Variants in ITGB3 observed in about 807,000 individuals in gnomAD.
ITGB3 encodes integrin beta-3.
A neutral mutation model predicts 85.8 loss-of-function variants in ITGB3; 48 were observed. The observed-to-expected ratio is 0.56, with a 90% CI of 0.44 to 0.71. The LOEUF (loss-of-function observed/expected upper bound fraction) is 0.71, where lower values mean the gene tolerates loss of function less well. ITGB3 is among the 30% of genes least tolerant of loss of function. The pLI is 0.00. For synonymous variants in ITGB3, 363 were observed against 395.6 expected (o/e 0.92, Z 0.98); for missense variants, 861 against 1,019.1 (o/e 0.84, Z 2.11).
chr17:47,288,464 G>A (rs1598692290), intron 6 of ITGB3, among the ~76,000 whole-genome samples: 1 of 152,316 alleles, frequency 6.6e-6, no homozygotes, highest in East Asian at 1.9e-4. Context: ...GAAATGTGCT[G>A]TAATGCTCTA....
intron 1 of ITGB3, among the ~76,000 whole-genome samples, chr17:47,256,149 C>A (rs980552127): frequency 2.0e-5 from 3 of 152,048 alleles, no homozygotes; most frequent in Non-Finnish European, 4.4e-5. Context: ...CATTGACATA[C>A]GTAAGTTTGC....
intron 12 of ITGB3, among the ~76,000 whole-genome samples, chr17:47,301,941 G>A (rs775857134): frequency 6.6e-6 from 1 of 152,208 alleles, no homozygotes; most frequent in South Asian, 2.1e-4. Context: ...TTGAGTTCAA[G>A]TCTGCAAGAT....
chr17:47,256,928 G>A lies in ITGB3; in HGVS notation c.79+2988G>A, dbSNP rs1030528529. 5.9e-5 allele frequency among the ~76,000 whole-genome samples: 9 copies of A among 152,124 alleles called. No individual in the cohort carries two copies. The East Asian group carries it at 1.7e-3, about 29-fold the overall frequency. On this transcript the variant is annotated intron_variant, in intron 1 of 14. Coordinates refer to ENST00000559488, the MANE Select transcript of ITGB3 (RefSeq NM_000212.3). ...CACAGCAGGAAGGCTTGTTGGCTTC[G>A]GAAAGGGAGGGCTATGGTTTAAAGC... is the stretch of plus-strand genomic sequence containing the variant.
chr17:47,266,160 A>G (rs972749561), intron 1 of ITGB3, among the ~76,000 whole-genome samples: 5 of 152,050 alleles, frequency 3.3e-5, no homozygotes, highest in African/African-American at 9.7e-5. Flanking sequence ...GTCCCCATGG[A>G]CCTAATTGGG....
chr17:47,300,339 G>GTA, intron 11 of ITGB3, 139 bp from the exon 12 acceptor site: 1 of 643,424 alleles, frequency 1.6e-6, no homozygotes, highest in South Asian at 1.5e-5. Context: ...TTACAGGCGC[G>GTA]CGCGCGCGTG....
intron 2 of ITGB3, among the ~76,000 whole-genome samples, chr17:47,280,648 C>T (rs2065080582): frequency 6.6e-6 from 1 of 152,186 alleles, no homozygotes; most frequent in South Asian, 2.1e-4. Flanking sequence ...TGAGTCATCG[C>T]ACCCGGCCGG....
chr17:47,290,394 G>C, intron 8 of ITGB3, 120 bp downstream of exon 8: 1 of 863,416 alleles, frequency 1.2e-6, no homozygotes, highest in Non-Finnish European at 2.0e-6. Flanking sequence ...TGCCTTCTCC[G>C]TGTGCTCCCA....
intron 9 of ITGB3, 46 bp from the exon 10 acceptor site, chr17:47,292,093 T>C: frequency 6.2e-7 from 1 of 1,602,312 alleles, no homozygotes; most frequent in Non-Finnish European, 8.6e-7. Flanking sequence ...GCTGGAGTGT[T>C]AACTGGGCCC....
At chr17:47,269,708 C>T (rs2065037764) in intron 1 of ITGB3, among the ~76,000 whole-genome samples, 1 of 152,132 alleles carries the variant, frequency 6.6e-6, no homozygotes, top group African/African-American at 2.4e-5. Flanking sequence ...CCAAACTTTC[C>T]CACATTTTCC....
intron 1 of ITGB3, among the ~76,000 whole-genome samples, chr17:47,254,430 T>A (rs1410624482): frequency 1.3e-5 from 2 of 152,206 alleles, no homozygotes; most frequent in African/African-American, 4.8e-5. Context: ...ATTTCCAATT[T>A]CTCCTGTTAC....
chr17:47,287,911 CTTTT>C (rs60463106), intron 6 of ITGB3, among the ~76,000 whole-genome samples: 3 of 55,396 alleles, frequency 5.4e-5, no homozygotes, highest in Non-Finnish European at 9.5e-5. Context: ...ACCACCCCTG[CTTTT>C]TTTTTTTTTT....
chr17:47,272,227 T>C (rs2065046743), intron 1 of ITGB3, among the ~76,000 whole-genome samples: 1 of 151,926 alleles, frequency 6.6e-6, no homozygotes. Flanking sequence ...GGCTAATTTT[T>C]TGTATTTTAG....
rs1219986082 is a variant in ITGB3, at chr17:47,313,600, C to T, written c.*3396C>T. ...TCCTGACCTCGTGATCCTCCCGCCT[C>T]GGCCTCCCAAAGTGCTGGGATTACA... is the stretch of plus-strand genomic sequence containing the variant. On this transcript the variant is annotated 3_prime_UTR_variant, in exon 15 of 15. Coordinates refer to ENST00000559488, the MANE Select transcript of ITGB3 (RefSeq NM_000212.3). 6.6e-6 allele frequency among the ~76,000 whole-genome samples: 1 copy of T among 152,138 alleles called. No homozygotes were observed. The highest frequency in any genetic ancestry group is 1.5e-5 in the Non-Finnish European group (1 of 68,016).
At chr17:47,255,017 C>T (rs938210524) in intron 1 of ITGB3, among the ~76,000 whole-genome samples, 1 of 152,152 alleles carries the variant, frequency 6.6e-6, no homozygotes, top group Admixed American at 6.5e-5. Flanking sequence ...CTTGCTCTGT[C>T]GCCCAGGCTG....
chr17:47,291,301 G>A (rs567102841), intron 9 of ITGB3: 18 of 618,166 alleles, frequency 2.9e-5, no homozygotes, highest in South Asian at 2.6e-4. Context: ...TTTCTGTTAC[G>A]TGAACTTCAC....
At chr17:47,259,166 AC>A (rs2065000547) in intron 1 of ITGB3, among the ~76,000 whole-genome samples, 1 of 152,210 alleles carries the variant, frequency 6.6e-6, no homozygotes. Context: ...GTAGCAACCA[AC>A]ACTTATTATT....
intron 8 of ITGB3, 130 bp from the exon 9 acceptor site, chr17:47,290,824 T>C (rs2065122428): frequency 7.6e-6 from 8 of 1,057,326 alleles, no homozygotes; most frequent in Middle Eastern, 2.6e-4. Flanking sequence ...AGGTCAAACC[T>C]TGGCCTCTGG....
chr17:47,287,837 T>C (rs533946794), intron 6 of ITGB3, among the ~76,000 whole-genome samples: 6 of 149,720 alleles, frequency 4.0e-5, no homozygotes, highest in South Asian at 4.2e-4. Context: ...TTGAGCCCAG[T>C]AGTCTGAGGC....
chr17:47,257,311 A>T (rs963875378), intron 1 of ITGB3, among the ~76,000 whole-genome samples: 7 of 152,162 alleles, frequency 4.6e-5, no homozygotes, highest in African/African-American at 1.7e-4. Context: ...CTGGTTTGGC[A>T]TATCTCAGCT....
Sources: gnomAD v4.1 joint callset for allele counts (sites outside exome capture counted in the v4.1 genomes callset) on GRCh38, gnomAD v4.1.1 for gene constraint, MANE v1.5 for transcripts, NCBI Gene and HGNC (gene_info 2026-07-23, HGNC 2026-07-21) for gene names.